Variants in UBE2E2 observed in about 807,000 individuals in gnomAD.
UBE2E2 encodes the protein ubiquitin-conjugating enzyme E2 E2.
A neutral mutation model predicts 24.7 loss-of-function variants in UBE2E2; 6 were observed. That is an observed-to-expected ratio of 0.24 (90% CI 0.13 to 0.48). The LOEUF is 0.48. Ranked by LOEUF, UBE2E2 falls within the 20% of genes least tolerant of loss-of-function variation. The pLI is 0.99. For missense variants in UBE2E2, 169 were observed against 245.0 expected, an observed-to-expected ratio of 0.69 and a Z score of 2.07; for synonymous variants, 104 against 83.6, an observed-to-expected ratio of 1.24 and a Z score of -1.33.
intron 5 of UBE2E2, among the ~76,000 whole-genome samples, chr3:23,580,058 A>G (rs889180028): frequency 6.6e-6 from 1 of 152,262 alleles, no homozygotes; most frequent in Non-Finnish European, 1.5e-5. Flanking sequence ...AGAGTTGCTT[A>G]TTATGGGTGA....
chr3:23,318,055 A>G (rs1354488140), intron 3 of UBE2E2, among the ~76,000 whole-genome samples: 2 of 152,052 alleles, frequency 1.3e-5, no homozygotes, highest in Non-Finnish European at 2.9e-5. Context: ...GTTTTAAAAA[A>G]CAAGTTTCCT....
At chr3:23,453,261 G>A (rs1698604853) in intron 3 of UBE2E2, among the ~76,000 whole-genome samples, 2 of 151,970 alleles carry the variant, frequency 1.3e-5, no homozygotes, top group Admixed American at 1.3e-4. Flanking sequence ...TTAAAATATT[G>A]AATTTTTTGT....
chr3:23,435,333 C>A (rs1195823940), intron 3 of UBE2E2, among the ~76,000 whole-genome samples: 2 of 152,218 alleles, frequency 1.3e-5, no homozygotes, highest in Non-Finnish European at 2.9e-5. Flanking sequence ...AGTAAATATT[C>A]TTAATCCTAG....
chr3:23,412,258 C>T (rs1302342857), intron 3 of UBE2E2, among the ~76,000 whole-genome samples: 5 of 151,866 alleles, frequency 3.3e-5, no homozygotes, highest in South Asian at 4.2e-4. Context: ...TGTCTTAAAA[C>T]GTATTTGTGT....
chr3:23,323,365 A>G (rs1225903431), intron 3 of UBE2E2: 1 of 236,236 alleles, frequency 4.2e-6, no homozygotes, highest in Non-Finnish European at 8.6e-6. Context: ...TCTAGGGAAT[A>G]CAAAAGTCTT....
rs150955947 is a variant in UBE2E2 at position 23,329,057 on chromosome 3, C to T, written c.227+111745C>T. 3.0e-4 allele frequency among the ~76,000 whole-genome samples: 45 copies of T among 152,238 alleles called. No individual in the cohort carries two copies. The East Asian group carries it at 8.3e-3, about 28-fold the overall frequency. On this transcript the variant is annotated intron_variant, in intron 3 of 5. Coordinates refer to ENST00000396703, the MANE Select transcript of UBE2E2 (RefSeq NM_152653.4). ...CGCCCTTGCCCCCTTCTCCCTGGAT[C>T]TTATTTGCTAAAGTAGACATTGATT...
At chr3:23,292,410 C>G (rs757904625) in intron 3 of UBE2E2, among the ~76,000 whole-genome samples, 4 of 152,066 alleles carry the variant, frequency 2.6e-5, no homozygotes, top group Non-Finnish European at 5.9e-5. Context: ...TTATTCCTGA[C>G]CTTATTTTTT....
intron 3 of UBE2E2, among the ~76,000 whole-genome samples, chr3:23,493,250 C>T (rs1382389949): frequency 6.6e-6 from 1 of 152,152 alleles, no homozygotes; most frequent in Admixed American, 6.5e-5. Context: ...TTCAGTATAT[C>T]TAAAGCATCT....
chr3:23,562,265 G>A (rs1396775492), intron 5 of UBE2E2, among the ~76,000 whole-genome samples: 1 of 152,040 alleles, frequency 6.6e-6, no homozygotes, highest in East Asian at 1.9e-4. Flanking sequence ...TTTATTGAGA[G>A]TTTTTAGCAT....
At chr3:23,306,437 G>T (rs188300811) in intron 3 of UBE2E2, among the ~76,000 whole-genome samples, 4 of 152,242 alleles carry the variant, frequency 2.6e-5, no homozygotes, top group African/African-American at 4.8e-5. Flanking sequence ...CCTTCCCCAT[G>T]CATTCATTGT....
At chr3:23,426,494 G>A (rs1426836166) in intron 3 of UBE2E2, among the ~76,000 whole-genome samples, 1 of 150,590 alleles carries the variant, frequency 6.6e-6, no homozygotes, top group Non-Finnish European at 1.5e-5. Flanking sequence ...AATCTGGAAT[G>A]AAGCCTGATG....
chr3:23,268,607 C>T (rs562857205), intron 3 of UBE2E2, among the ~76,000 whole-genome samples: 5,493 of 146,398 alleles, frequency 0.038, 359 homozygotes, highest in African/African-American at 0.13. Context: ...GAATCAATAT[C>T]GTGAAAATGG....
At chr3:23,321,849 G>T (rs1694746551) in intron 3 of UBE2E2, among the ~76,000 whole-genome samples, 1 of 151,792 alleles carries the variant, frequency 6.6e-6, no homozygotes, top group African/African-American at 2.4e-5. Flanking sequence ...CATTCTAGAA[G>T]TCTAGCCCCT....
intron 3 of UBE2E2, among the ~76,000 whole-genome samples, chr3:23,484,465 T>C (rs917407148): frequency 6.6e-6 from 1 of 151,886 alleles, no homozygotes; most frequent in Admixed American, 6.6e-5. Flanking sequence ...TTTTACAGGG[T>C]TCCCATAGCA....
chr3:23,230,853 C>A (rs1038649984), intron 3 of UBE2E2, among the ~76,000 whole-genome samples: 9 of 151,128 alleles, frequency 6.0e-5, no homozygotes, highest in African/African-American at 2.2e-4. Flanking sequence ...GTCATGACAG[C>A]AGTGATGAAC....
chr3:23,213,852 TG>T lies in UBE2E2; in HGVS notation c.177-3407del, dbSNP rs57891514. Among the ~76,000 whole-genome samples, 488 of 152,260 alleles carry T rather than the reference TG, an allele frequency of 3.2e-3. 3 individuals carry two copies. Among genetic ancestry groups the T allele is most frequent in the African/African-American group, 0.011 (468 of 41,578 alleles). ...CACTTTTAACGGTAAAAGATCATCA[TG>T]GGAAAGGTAGACTGTAAGTGTGAAT... On this transcript the variant is annotated intron_variant, in intron 2 of 5. Transcript: ENST00000396703.
intron 3 of UBE2E2, among the ~76,000 whole-genome samples, chr3:23,262,942 C>T (rs1697942740): frequency 6.6e-6 from 1 of 152,070 alleles, no homozygotes; most frequent in Non-Finnish European, 1.5e-5. Context: ...TCTTTAGCTT[C>T]AGAAGGCAAA....
At chr3:23,240,322 A>G (rs937200914) in intron 3 of UBE2E2, among the ~76,000 whole-genome samples, 3 of 152,296 alleles carry the variant, frequency 2.0e-5, no homozygotes, top group African/African-American at 4.8e-5. Flanking sequence ...TTCTGGAGCT[A>G]TACTAGTGGA....
At chr3:23,481,241 GC>G (rs1354742894) in intron 3 of UBE2E2, among the ~76,000 whole-genome samples, 1 of 152,136 alleles carries the variant, frequency 6.6e-6, no homozygotes, top group Non-Finnish European at 1.5e-5. Flanking sequence ...TTTTGTTTCA[GC>G]TTTAACATTT....
Sources: gnomAD v4.1 joint callset for allele counts (sites outside exome capture counted in the v4.1 genomes callset) on GRCh38, gnomAD v4.1.1 for gene constraint, MANE v1.5 for transcripts, NCBI Gene and HGNC (gene_info 2026-07-23, HGNC 2026-07-21) for gene names.